Variants in SLC15A4 observed in about 807,000 individuals in gnomAD.
SLC15A4 encodes hPHT1.
A neutral mutation model predicts 46.1 loss-of-function variants in SLC15A4; 26 were observed. The observed-to-expected ratio is 0.56, with a 90% CI of 0.41 to 0.78. SLC15A4 has a LOEUF of 0.78. Ranked by LOEUF, SLC15A4 falls within the 30% of genes least tolerant of loss-of-function variation. The pLI, the probability that SLC15A4 is intolerant of heterozygous loss-of-function variation, is 0.00. For synonymous variants in SLC15A4, 370 were observed against 333.4 expected, an observed-to-expected ratio of 1.11 and a Z score of -1.20; for missense variants, 751 against 755.7, an observed-to-expected ratio of 0.99 and a Z score of 0.07.
chr12:128,820,568 A>G (rs979900946), intron 1 of SLC15A4, among the ~76,000 whole-genome samples: 1 of 152,244 alleles, frequency 6.6e-6, no homozygotes, highest in Non-Finnish European at 1.5e-5. Context: ...GCTCAGTCAC[A>G]TACAAGCTGT....
At chr12:128,811,107 ACT>A (rs1014936029) in intron 2 of SLC15A4, among the ~76,000 whole-genome samples, 1 of 152,146 alleles carries the variant, frequency 6.6e-6, no homozygotes, top group Non-Finnish European at 1.5e-5. Flanking sequence ...ACAGCTCCGC[ACT>A]CTCTCCCAGC....
At chr12:128,815,304 A>C in intron 1 of SLC15A4, 18 of 531,056 alleles carry the variant, frequency 3.4e-5, no homozygotes, top group Non-Finnish European at 4.4e-5. Flanking sequence ...ATTCCAACAA[A>C]TGCTAGAGAG....
At chr12:128,805,925 T>C (rs1955581500) in intron 5 of SLC15A4, among the ~76,000 whole-genome samples, 1 of 152,084 alleles carries the variant, frequency 6.6e-6, no homozygotes, top group South Asian at 2.1e-4. Flanking sequence ...CTCATGCTTA[T>C]AATCCCAGCA....
chr12:128,809,165 A>C (rs1325570909), intron 4 of SLC15A4: 1 of 607,058 alleles, frequency 1.6e-6, no homozygotes, highest in Non-Finnish European at 2.8e-6. Flanking sequence ...AGGGGAAAAT[A>C]ATCAGGTGAA....
At chr12:128,815,270 G>A (rs1955735425) in intron 1 of SLC15A4, 200 bp from the exon 2 acceptor site, 5 of 384,488 alleles carry the variant, frequency 1.3e-5, no homozygotes, top group African/African-American at 5.6e-5. Context: ...CAGTTGCTAG[G>A]TAGGTTTCAC....
At chr12:128,803,530 C>T (rs370163623) in intron 5 of SLC15A4, among the ~76,000 whole-genome samples, 6 of 152,294 alleles carry the variant, frequency 3.9e-5, no homozygotes, top group East Asian at 3.9e-4. Flanking sequence ...GCTTCACACC[C>T]GGCTCTCAAC....
chr12:128,809,494 C>G (rs1955627978), intron 3 of SLC15A4, 21 bp from the exon 4 acceptor site: 1 of 1,525,350 alleles, frequency 6.6e-7, no homozygotes, highest in African/African-American at 1.4e-5. Context: ...AAAACAGTAT[C>G]ATTATATGTG....
At chr12:128,807,524 G>T (rs1018531688) in intron 5 of SLC15A4, among the ~76,000 whole-genome samples, 1 of 152,222 alleles carries the variant, frequency 6.6e-6, no homozygotes, top group East Asian at 1.9e-4. Context: ...CCAGCCCCGG[G>T]GGGAGAGAGA....
chr12:128,808,349 A>G (rs2135713022), intron 5 of SLC15A4, among the ~76,000 whole-genome samples: 1 of 152,320 alleles, frequency 6.6e-6, no homozygotes, highest in Middle Eastern at 3.4e-3. Context: ...ATGCACACAG[A>G]ATTTTACATA....
chr12:128,794,972 T>C (rs554524111), intron 7 of SLC15A4, among the ~76,000 whole-genome samples: 2 of 152,332 alleles, frequency 1.3e-5, no homozygotes, highest in South Asian at 4.1e-4. Context: ...TCAGGGGAAC[T>C]TCCTCCATTT....
In SLC15A4 at chr12:128,800,858, G is replaced by T. The variant is rs541666339; in HGVS notation, c.1410C>A (p.Ile470=). The T allele has an allele frequency of 1.9e-6, 3 of 1,610,526 alleles. No individual in the cohort carries two copies. Among genetic ancestry groups the T allele is most frequent in the East Asian group, 4.5e-5 (2 of 44,840 alleles). ...LIGISEIFAS[I]AGLEFAYSAA... is the part of the protein sequence containing the mutation. Reference sequence around the variant, plus strand: ...TCCGGCACTAAAGGTCCTCACCTGCGATACTTGCAAAGATCTCGCTGATCC... The same window carrying T: ...TCCGGCACTAAAGGTCCTCACCTGCTATACTTGCAAAGATCTCGCTGATCC... Residue 470 remains isoleucine (I), a synonymous_variant, in exon 6 of 8, where the codon ATC becomes ATA. Coordinates refer to ENST00000266771, the MANE Select transcript of SLC15A4 (RefSeq NM_145648.4).
intron 7 of SLC15A4, among the ~76,000 whole-genome samples, chr12:128,797,178 A>C (rs1955455693): frequency 6.6e-6 from 1 of 152,178 alleles, no homozygotes; most frequent in African/African-American, 2.4e-5. Context: ...GCAGGTATTC[A>C]CAACAGCCCC....
chr12:128,808,887 G>C lies in SLC15A4; in HGVS notation c.1159C>G (p.Leu387Val), dbSNP rs938012305. 3.1e-6 allele frequency: 5 copies of C among 1,614,080 alleles called. No homozygotes were observed. The highest frequency in any genetic ancestry group is 2.7e-5 in the African/African-American group (2 of 74,934). Residue 387 changes from leucine to valine, a missense_variant, in exon 5 of 8, where the codon CTG becomes GTG. Coordinates refer to ENST00000266771, the MANE Select transcript of SLC15A4 (RefSeq NM_145648.4). ...ILLLIPLKDK[L>V]VDPILRRHGL... ...TGTCTTCTCAAAATGGGATCGACCAGTTTGTCCTTCAGAGGGATGAGCAGG... is the reference window on the plus strand; with the variant it reads ...TGTCTTCTCAAAATGGGATCGACCACTTTGTCCTTCAGAGGGATGAGCAGG...
rs1955408069 is a variant in SLC15A4, at chr12:128,793,516, G to A, written c.*680C>T. ...TGAGTTGCTCTGTGGCTTGAGATGG[G>A]ACACATGGTCTCAAATGACTCTTAT... On this transcript the variant is annotated 3_prime_UTR_variant, in exon 8 of 8. Coordinates refer to ENST00000266771, the MANE Select transcript of SLC15A4 (RefSeq NM_145648.4). The A allele has an allele frequency of 6.6e-6, 1 of 152,200 alleles. No individual in the cohort carries two copies. The highest frequency in any genetic ancestry group is 1.9e-4 in the East Asian group (1 of 5,200). 9.4% of individuals were successfully genotyped at this position (152,200 alleles called of 1,614,324 possible).
rs747225998 is a variant in SLC15A4, at chr12:128,808,863, G to A, written c.1183C>T (p.His395Tyr). Residue 395 changes from histidine to tyrosine, a missense_variant, in exon 5 of 8, where the codon CAT (histidine) becomes TAT (tyrosine). Coordinates refer to ENST00000266771, the MANE Select transcript of SLC15A4 (RefSeq NM_145648.4). ...DKLVDPILRR[H>Y]GLLPSSLKRI... ...TTCAGGGAGGATGGGAGCAGGCCAT[G>A]TCTTCTCAAAATGGGATCGACCAGT... The A allele has an allele frequency of 1.2e-6, 2 of 1,614,048 alleles. No homozygotes were observed. The highest frequency in any genetic ancestry group is 3.3e-5 in the Admixed American group (2 of 60,010).
rs781388598 is a variant in SLC15A4, at chr12:128,794,188, CAGGA to C, written c.*4_*7del. ...CAGCCTCAGAAACCGCACATGGCCTCAGGAAGGTCAGGCCCTCCTGCTGGTGGGC... is the reference window on the plus strand; with the variant it reads ...CAGCCTCAGAAACCGCACATGGCCTCAGGTCAGGCCCTCCTGCTGGTGGGC... On this transcript the variant is annotated 3_prime_UTR_variant, in exon 8 of 8. Transcript: ENST00000266771. 79 of 1,606,412 alleles carry C rather than the reference CAGGA, an allele frequency of 4.9e-5. No individual in the cohort carries two copies. In the East Asian group the frequency reaches 1.8e-3, roughly 36 times the overall value.
At chr12:128,818,023 C>T (rs1955783337) in intron 1 of SLC15A4, among the ~76,000 whole-genome samples, 2 of 151,570 alleles carry the variant, frequency 1.3e-5, no homozygotes, top group Admixed American at 1.3e-4. Context: ...TACAGCATAC[C>T]AAACAGTTGG....
At chr12:128,795,916 T>A (rs964777578) in intron 7 of SLC15A4, among the ~76,000 whole-genome samples, 2 of 152,238 alleles carry the variant, frequency 1.3e-5, no homozygotes, top group African/African-American at 4.8e-5. Flanking sequence ...CAGGTGCGTG[T>A]GGCCGGCAAC....
At chr12:128,814,597 G>A in intron 2 of SLC15A4, 178 bp downstream of exon 2, 1 of 635,712 alleles carries the variant, frequency 1.6e-6, no homozygotes, top group East Asian at 2.8e-5. Flanking sequence ...CTTTAAGATG[G>A]GATAATAAGA....
Sources: allele counts gnomAD v4.1 joint callset (sites outside exome capture counted in the v4.1 genomes callset), GRCh38; gene constraint gnomAD v4.1.1; transcripts MANE v1.5; gene names NCBI Gene and HGNC (gene_info 2026-07-23, HGNC 2026-07-21).